The following FBXL7 variants were observed in gnomAD, a reference collection of about 807,000 sequenced individuals.
FBXL7 encodes the protein F-box and leucine rich repeat protein 7.
Under a neutral mutation model 38.3 loss-of-function variants are expected in FBXL7, and 12 were observed. The observed-to-expected ratio is 0.31, with a 90% CI of 0.20 to 0.51. The LOEUF is 0.51. FBXL7 is among the 20% of genes least tolerant of loss of function. FBXL7 has a pLI of 0.98. For synonymous variants in FBXL7, 297 were observed against 300.9 expected (o/e 0.99, Z 0.13); for missense variants, 567 against 676.4 (o/e 0.84, Z 1.79).
At chr5:15,543,707 A>G (rs1737821784) in intron 1 of FBXL7, among the ~76,000 whole-genome samples, 1 of 152,202 alleles carries the variant, frequency 6.6e-6, no homozygotes, top group Admixed American at 6.5e-5. Context: ...AACACTAAAA[A>G]TTAGCTAAGG....
chr5:15,571,699 TCAA>T lies in FBXL7; in HGVS notation c.38-44283_38-44281del, dbSNP rs1334879866. On this transcript the variant is annotated intron_variant, in intron 1 of 3. Coordinates refer to ENST00000504595, the MANE Select transcript of FBXL7 (RefSeq NM_012304.5). ...GGTCTGGAGTTGCCCTGGGTCCACC[TCAA>T]TGCCATAAGGGAAGAGTGCTTGGAG... is the stretch of plus-strand genomic sequence containing the variant. Among the ~76,000 whole-genome samples the T allele has an allele frequency of 3.4e-4, 51 of 152,100 alleles. 1 individual carries two copies. The highest frequency in any genetic ancestry group is 6.2e-4 in the South Asian group (3 of 4,824).
chr5:15,679,502 C>T (rs1420486429), intron 2 of FBXL7, among the ~76,000 whole-genome samples: 1 of 150,114 alleles, frequency 6.7e-6, no homozygotes, highest in Non-Finnish European at 1.5e-5. Flanking sequence ...TGCTGAGAGA[C>T]TGTCTCTACA....
chr5:15,583,487 G>C (rs1437993711), intron 1 of FBXL7, among the ~76,000 whole-genome samples: 1 of 152,238 alleles, frequency 6.6e-6, no homozygotes, highest in African/African-American at 2.4e-5. Flanking sequence ...AAGATACAAT[G>C]GGGGTGCAGG....
At chr5:15,545,376 G>T (rs1737868647) in intron 1 of FBXL7, among the ~76,000 whole-genome samples, 1 of 152,168 alleles carries the variant, frequency 6.6e-6, no homozygotes, top group South Asian at 2.1e-4. Context: ...AGGAAATTAG[G>T]AGCAATGGAG....
chr5:15,732,089 T>A (rs192755320), intron 2 of FBXL7, among the ~76,000 whole-genome samples: 54 of 152,328 alleles, frequency 3.5e-4, no homozygotes, highest in African/African-American at 1.2e-3. Context: ...TTTTCCATAC[T>A]TTTATATGTT....
intron 2 of FBXL7, among the ~76,000 whole-genome samples, chr5:15,844,306 C>G (rs1197451660): frequency 6.6e-6 from 1 of 152,346 alleles, no homozygotes; most frequent in East Asian, 1.9e-4. Flanking sequence ...CACTTAGCTG[C>G]TGAAGCAAGC....
chr5:15,635,678 T>G (rs1359579107), intron 2 of FBXL7, among the ~76,000 whole-genome samples: 1 of 152,164 alleles, frequency 6.6e-6, no homozygotes, highest in African/African-American at 2.4e-5. Flanking sequence ...AGCATAGTGA[T>G]GAAGATGGAG....
chr5:15,529,072 C>T (rs1159320526), intron 1 of FBXL7, among the ~76,000 whole-genome samples: 1 of 152,158 alleles, frequency 6.6e-6, no homozygotes, highest in Non-Finnish European at 1.5e-5. Flanking sequence ...AGCATCTCCC[C>T]GATCCTTCTA....
At chr5:15,510,826 A>G (rs778492548) in intron 1 of FBXL7, among the ~76,000 whole-genome samples, 27 of 152,242 alleles carry the variant, frequency 1.8e-4, no homozygotes, top group Non-Finnish European at 3.4e-4. Flanking sequence ...ACTTGCTCCC[A>G]GAGCACCTTA....
intron 2 of FBXL7, among the ~76,000 whole-genome samples, chr5:15,926,943 T>C (rs1451377303): frequency 4.6e-5 from 7 of 151,706 alleles, no homozygotes. Flanking sequence ...CTCCCCTCAT[T>C]TGTAAATGCA....
At chr5:15,862,739 A>G (rs1490004579) in intron 2 of FBXL7, among the ~76,000 whole-genome samples, 1 of 152,176 alleles carries the variant, frequency 6.6e-6, no homozygotes, top group Non-Finnish European at 1.5e-5. Flanking sequence ...CAGCTGGATG[A>G]TGTGGCAGTG....
chr5:15,928,560 G>C lies in FBXL7; in HGVS notation c.739+59G>C. On this transcript the variant is annotated intron_variant, in intron 3 of 3. Coordinates refer to ENST00000504595, the MANE Select transcript of FBXL7 (RefSeq NM_012304.5). The surrounding 1 kb of genome is among the most constrained non-coding windows in gnomAD (Gnocchi z 4.0). ...TCCTGGTGCACCATCCTAAAACAGTGGGGACAGTGCCACCACCGGAGGGTC... is the reference window on the plus strand; with the variant it reads ...TCCTGGTGCACCATCCTAAAACAGTCGGGACAGTGCCACCACCGGAGGGTC... 4 of 1,548,832 alleles carry C rather than the reference G, an allele frequency of 2.6e-6. No homozygotes were observed. The highest frequency in any genetic ancestry group is 3.5e-6 in the Non-Finnish European group (4 of 1,146,822).
chr5:15,720,545 T>A (rs987134013), intron 2 of FBXL7, among the ~76,000 whole-genome samples: 1 of 148,708 alleles, frequency 6.7e-6, no homozygotes, highest in African/African-American at 2.5e-5. Flanking sequence ...ACTAAAACTT[T>A]ATGTGTTTAA....
chr5:15,551,540 G>A (rs954760391), intron 1 of FBXL7, among the ~76,000 whole-genome samples: 4 of 152,330 alleles, frequency 2.6e-5, no homozygotes, highest in South Asian at 2.1e-4. Context: ...AGTCCCTGGC[G>A]TCTCGCAGTG....
chr5:15,626,236 C>T (rs1469046066), intron 2 of FBXL7, among the ~76,000 whole-genome samples: 1 of 152,004 alleles, frequency 6.6e-6, no homozygotes, highest in African/African-American at 2.4e-5. Context: ...AGCTACTGCC[C>T]AAGTATAAGT....
intron 2 of FBXL7, among the ~76,000 whole-genome samples, chr5:15,796,825 A>G (rs1737429141): frequency 6.6e-6 from 1 of 152,178 alleles, no homozygotes; most frequent in South Asian, 2.1e-4. Context: ...GGCCAAGTCA[A>G]TGCTAAAATT....
At chr5:15,693,989 A>G (rs74519220) in intron 2 of FBXL7, among the ~76,000 whole-genome samples, 3,507 of 152,160 alleles carry the variant, frequency 0.023, 85 homozygotes, top group South Asian at 0.076. Context: ...TGTCGTTACA[A>G]TAAGGCAGAG....
chr5:15,674,152 C>G (rs1449006391), intron 2 of FBXL7, among the ~76,000 whole-genome samples: 2 of 152,176 alleles, frequency 1.3e-5, no homozygotes, highest in Non-Finnish European at 1.5e-5. Flanking sequence ...ATAGCAGTCT[C>G]AGAGACTAGA....
At chr5:15,580,684 C>T (rs1023702422) in intron 1 of FBXL7, 20 of 985,238 alleles carry the variant, frequency 2.0e-5, no homozygotes, top group South Asian at 4.7e-5. Context: ...CCTCTGGGTC[C>T]GGGAGTGCTG....
Sources: gnomAD v4.1 joint callset for allele counts (sites outside exome capture counted in the v4.1 genomes callset) on GRCh38, gnomAD v4.1.1 for gene constraint, Gnocchi (gnomAD v3.1) non-coding constraint, MANE v1.5 for transcripts, NCBI Gene and HGNC (gene_info 2026-07-23, HGNC 2026-07-21) for gene names.